The following C1QTNF5 variants were observed in gnomAD, a reference collection of about 807,000 sequenced individuals.
C1QTNF5 encodes C1q and TNF related 5.
In C1QTNF5, 5 loss-of-function variants were observed where a neutral mutation model predicts 10.9. That is an observed-to-expected ratio of 0.46 (90% CI 0.24 to 0.97). The LOEUF (loss-of-function observed/expected upper bound fraction) is 0.97, where lower values mean the gene tolerates loss of function less well. Among genes scored for constraint, C1QTNF5 ranks in the 50% least tolerant of loss-of-function variants. The pLI is 0.19. For missense variants in C1QTNF5, 281 were observed against 339.4 expected (o/e 0.83, Z 1.35); for synonymous variants, 161 against 156.5 (o/e 1.03, Z -0.22).
upstream of C1QTNF5, chr11:119,343,027 TGGG>T (rs1303663260): frequency 1.3e-6 from 2 of 1,584,854 alleles, no homozygotes. Context: ...ACAGCTGTTC[TGGG>T]CACCAGCCCT....
chr11:119,342,707 G>C, upstream of C1QTNF5: 10 of 1,613,672 alleles, frequency 6.2e-6, no homozygotes, highest in Non-Finnish European at 8.5e-6. Flanking sequence ...TGGCAGGAGA[G>C]CTCACTGGGC....
At chr11:119,342,047 G>A (rs1054018610), upstream of C1QTNF5, 34 of 1,605,950 alleles carry the variant, frequency 2.1e-5, no homozygotes, top group African/African-American at 4.5e-4. Flanking sequence ...CCTGTGGCAA[G>A]TCACCGAATC....
chr11:119,344,057 G>A, upstream of C1QTNF5: 4 of 1,533,058 alleles, frequency 2.6e-6, no homozygotes, highest in Non-Finnish European at 3.6e-6. Flanking sequence ...TGCTGGCTGG[G>A]GGGATGGGGT....
chr11:119,339,904 G>A lies in C1QTNF5; in HGVS notation c.215-56C>T. On this transcript the variant is annotated intron_variant, in intron 2 of 2. Transcript: ENST00000528368. This position sits in a 1 kb window ranked among gnomAD's most constrained non-coding sequence, Gnocchi z 5.4. ...GTAGCGGCGGCTCAGCCCGCAGCGG[G>A]GCGGCGACTCTAAGGTCACCGTACC... is the stretch of plus-strand genomic sequence containing the variant. 1 of 1,430,674 alleles carries A rather than the reference G, an allele frequency of 7.0e-7. No homozygotes were observed. 88.6% of individuals were successfully genotyped at this position (1,430,674 alleles called of 1,614,324 possible). A position where few individuals can be genotyped will look rare whatever the true frequency, so the allele number is the denominator to read the frequency against.
At chr11:119,344,074 T>G, upstream of C1QTNF5, 3 of 1,418,880 alleles carry the variant, frequency 2.1e-6, no homozygotes, top group South Asian at 3.5e-5. Context: ...GGGTGGTGCT[T>G]TCATCATTGG....
upstream of C1QTNF5, among the ~76,000 whole-genome samples, chr11:119,343,195 G>A (rs1365079381): frequency 2.6e-5 from 4 of 152,174 alleles, no homozygotes; most frequent in East Asian, 1.9e-4. Flanking sequence ...GTCTGAACTC[G>A]AGCCACTTCT....
At chr11:119,342,010 T>C, upstream of C1QTNF5, 1 of 1,612,596 alleles carries the variant, frequency 6.2e-7, no homozygotes, top group Non-Finnish European at 8.5e-7. Flanking sequence ...GGAGGGCCAC[T>C]GTGGGGACTG....
At chr11:119,342,902 G>T, upstream of C1QTNF5, 1 of 1,613,016 alleles carries the variant, frequency 6.2e-7, no homozygotes, top group Non-Finnish European at 8.5e-7. Flanking sequence ...CAGGTAGGTG[G>T]CTGAGAAGCC....
upstream of C1QTNF5, chr11:119,342,111 G>C (rs1288373265): frequency 3.5e-6 from 4 of 1,140,362 alleles, no homozygotes; most frequent in Non-Finnish European, 5.0e-6. Context: ...GGAAGCAAGA[G>C]GATAACAAAG....
At chr11:119,341,900 A>G (rs1249498833), upstream of C1QTNF5, 1 of 1,613,896 alleles carries the variant, frequency 6.2e-7, no homozygotes, top group South Asian at 1.1e-5. Flanking sequence ...CTGGGTGATC[A>G]TGCCCACCCA....
chr11:119,343,009 C>G (rs1300290345), upstream of C1QTNF5: 3 of 1,597,888 alleles, frequency 1.9e-6, no homozygotes, highest in African/African-American at 1.3e-5. Flanking sequence ...AGAACCTGCC[C>G]AAAGCAGACA....
Position 119,339,530 on chromosome 11 carries a change from A to T in C1QTNF5, c.533T>A (p.Phe178Tyr). ...GGGCCACCCCCCGAAAAACTGGAAG[A>T]AAGAGGCAATGGATTCGCCATTCTT... Reference protein sequence around the residue: ...LVKNGESIASFFQFFGGWPKP... With the variant: ...LVKNGESIASYFQFFGGWPKP... The change falls in exon 3 of 3, where the codon TTC becomes TAC. Residue 178 changes from phenylalanine to tyrosine, a missense_variant. By Grantham distance (22) the Phe-to-Tyr change is conservative (BLOSUM62 3). Coordinates refer to ENST00000528368, the MANE Select transcript of C1QTNF5 (RefSeq NM_001278431.2). The surrounding 1 kb of genome is among the most constrained non-coding windows in gnomAD (Gnocchi z 5.4). 6.2e-7 allele frequency: 1 copy of T among 1,613,394 alleles called. No individual in the cohort carries two copies. The highest frequency in any genetic ancestry group is 8.5e-7 in the Non-Finnish European group (1 of 1,180,000).
the C1QTNF5 span, chr11:119,346,566 C>T: frequency 1.3e-6 from 2 of 1,582,392 alleles, no homozygotes; most frequent in Non-Finnish European, 1.7e-6. Flanking sequence ...CCAAGACCCC[C>T]AAGGGCCCAC....
upstream of C1QTNF5, chr11:119,344,094 A>C: frequency 8.1e-7 from 1 of 1,237,092 alleles, no homozygotes; most frequent in Non-Finnish European, 1.2e-6. Context: ...GTGGTTCTTA[A>C]GGACCTTTAA....
upstream of C1QTNF5, chr11:119,344,982 G>C (rs767183449): frequency 6.2e-7 from 1 of 1,607,110 alleles, no homozygotes; most frequent in Non-Finnish European, 8.5e-7. Context: ...TTGAGCGTGG[G>C]GGGAGGCACC....
the C1QTNF5 span, chr11:119,346,228 TG>T: frequency 6.4e-7 from 1 of 1,572,118 alleles, no homozygotes; most frequent in East Asian, 2.3e-5. Context: ...CCTTGGCTCC[TG>T]GGCCTCTCTG....
At chr11:119,344,610 G>A (rs1950539627), upstream of C1QTNF5, 1 of 1,613,872 alleles carries the variant, frequency 6.2e-7, no homozygotes, top group Non-Finnish European at 8.5e-7. Context: ...CTGAAGAGAG[G>A]ACCCCCATGC....
chr11:119,346,505 G>A, the C1QTNF5 span: 1 of 1,614,084 alleles, frequency 6.2e-7, no homozygotes, highest in Middle Eastern at 1.7e-4. Context: ...CATCTGAGAA[G>A]TCCTTCATGG....
chr11:119,344,336 C>T (rs35885438), upstream of C1QTNF5: 81,770 of 1,613,670 alleles, frequency 0.051, 2,642 homozygotes, highest in South Asian at 0.12. Flanking sequence ...GGTACTGCTG[C>T]AGGTAGCTGG....
Sources: gnomAD v4.1 joint callset for allele counts (sites outside exome capture counted in the v4.1 genomes callset) on GRCh38, gnomAD v4.1.1 for gene constraint, Gnocchi (gnomAD v3.1) non-coding constraint, MANE v1.5 for transcripts, NCBI Gene and HGNC (gene_info 2026-07-23, HGNC 2026-07-21) for gene names.